Variants in NYAP2 observed in about 807,000 individuals in gnomAD.
NYAP2 encodes neuronal tyrosine-phosphorylated phosphoinositide-3-kinase adapter 2.
Under a neutral mutation model 50.4 loss-of-function variants are expected in NYAP2, and 23 were observed. That is an observed-to-expected ratio of 0.46 (90% confidence interval 0.33 to 0.65). The LOEUF is 0.65. Ranked by LOEUF, NYAP2 falls within the 30% of genes least tolerant of loss-of-function variation. The pLI, the probability that NYAP2 is intolerant of heterozygous loss-of-function variation, is 0.02. For missense variants in NYAP2, 885 were observed against 861.0 expected (o/e 1.03, Z -0.35); for synonymous variants, 394 against 365.2 (o/e 1.08, Z -0.90).
rs141889631 is a variant in NYAP2 at position 225,602,981 on chromosome 2, CA to C, written c.1618+19956del. On this transcript the variant is annotated intron_variant, in intron 5 of 6. Transcript: ENST00000636099. ...TTTAGAATGGATGTTTTTATTTCTG[CA>C]AAAAAAAAAGTTATTGGGATTGTTT... 2.3e-4 allele frequency among the ~76,000 whole-genome samples: 33 copies of C among 145,926 alleles called. No individual in the cohort carries two copies. In the Middle Eastern group the frequency reaches 0.011, roughly 47 times the overall value.
At chr2:225,593,118 A>G (rs181826280) in intron 5 of NYAP2, among the ~76,000 whole-genome samples, 1 of 152,322 alleles carries the variant, frequency 6.6e-6, no homozygotes, top group East Asian at 1.9e-4. Flanking sequence ...GTAATTAAAT[A>G]TTCAGTATAA....
At chr2:225,555,782 A>G (rs1691765754) in intron 4 of NYAP2, among the ~76,000 whole-genome samples, 1 of 152,194 alleles carries the variant, frequency 6.6e-6, no homozygotes, top group South Asian at 2.1e-4. Context: ...GGAGTCCTAC[A>G]ATTTCCAGAA....
intron 4 of NYAP2, among the ~76,000 whole-genome samples, chr2:225,549,812 C>T (rs1312457145): frequency 1.3e-5 from 2 of 151,736 alleles, no homozygotes; most frequent in Admixed American, 6.6e-5. Flanking sequence ...TGAAACCCCC[C>T]TGTTTGTACT....
At chr2:225,535,396 G>A (rs747470690) in intron 4 of NYAP2, among the ~76,000 whole-genome samples, 3 of 152,180 alleles carry the variant, frequency 2.0e-5, no homozygotes, top group African/African-American at 4.8e-5. Flanking sequence ...GTGGGATGAC[G>A]TATGTAGATA....
intron 4 of NYAP2, among the ~76,000 whole-genome samples, chr2:225,528,485 T>C (rs1691195250): frequency 6.6e-6 from 1 of 152,192 alleles, no homozygotes; most frequent in African/African-American, 2.4e-5. Context: ...AAATACACTC[T>C]TTAGTCCAGC....
chr2:225,453,849 T>G (rs892707394), intron 3 of NYAP2, among the ~76,000 whole-genome samples: 1 of 150,464 alleles, frequency 6.6e-6, no homozygotes, highest in Non-Finnish European at 1.5e-5. Context: ...TTTTTTTTTT[T>G]TTTTTTTAGT....
At chr2:225,436,091 G>GC (rs1490603374) in intron 3 of NYAP2, among the ~76,000 whole-genome samples, 1 of 152,152 alleles carries the variant, frequency 6.6e-6, no homozygotes. Context: ...ATCCAGTCTA[G>GC]CCCCTACACA....
intron 3 of NYAP2, among the ~76,000 whole-genome samples, chr2:225,418,018 A>G (rs909630111): frequency 6.6e-6 from 1 of 152,094 alleles, no homozygotes; most frequent in Admixed American, 6.6e-5. Flanking sequence ...AAAAAATACT[A>G]AACTAGAGAA....
At chr2:225,404,258 T>G (rs1427976721) in intron 2 of NYAP2, among the ~76,000 whole-genome samples, 1 of 151,974 alleles carries the variant, frequency 6.6e-6, no homozygotes, top group African/African-American at 2.4e-5. Context: ...AAGGGTCACA[T>G]AGTGTCTTAG....
chr2:225,564,973 T>C, intron 4 of NYAP2, among the ~76,000 whole-genome samples: 1 of 151,836 alleles, frequency 6.6e-6, no homozygotes, highest in Non-Finnish European at 1.5e-5. Flanking sequence ...CTACTAAAAA[T>C]ACAACAATTA....
At chr2:225,512,219 T>G (rs1420064802) in intron 3 of NYAP2, among the ~76,000 whole-genome samples, 3 of 152,214 alleles carry the variant, frequency 2.0e-5, no homozygotes, top group Non-Finnish European at 4.4e-5. Context: ...AATATTTTTG[T>G]TCAAACTTTC....
rs116765753 is a variant in NYAP2 at position 225,604,406 on chromosome 2, G to C, written c.1618+21371G>C. Among the ~76,000 whole-genome samples the C allele has an allele frequency of 5.5e-3, 837 of 152,146 alleles. 9 individuals are homozygous for C. Among genetic ancestry groups the C allele is most frequent in the African/African-American group, 0.018 (760 of 41,512 alleles). ...AGCTGGGGCTCAATAACTATTTGCT[G>C]GGCCTTAGAAATAATCATATTTAAC... On this transcript the variant is annotated intron_variant, in intron 5 of 6. Transcript: ENST00000636099.
At chr2:225,409,197 T>G (rs900494096) in intron 3 of NYAP2, 96 bp downstream of exon 3, 15 of 895,054 alleles carry the variant, frequency 1.7e-5, no homozygotes, top group Admixed American at 2.5e-5. Flanking sequence ...AGAAAAGGTC[T>G]TCCAGAGTCA....
the NYAP2 span, chr2:225,702,418 A>T: frequency 6.6e-6 from 1 of 151,758 alleles, no homozygotes; most frequent in Non-Finnish European, 1.5e-5. Context: ...TCCTTCAAGG[A>T]GCTTAATTAT....
intron 2 of NYAP2, among the ~76,000 whole-genome samples, chr2:225,403,264 G>C (rs1694891917): frequency 6.6e-6 from 1 of 151,964 alleles, no homozygotes; most frequent in South Asian, 2.1e-4. Context: ...TCACAGCATT[G>C]AGACAGGTGT....
chr2:225,442,941 A>G (rs1689493733), intron 3 of NYAP2, among the ~76,000 whole-genome samples: 1 of 152,192 alleles, frequency 6.6e-6, no homozygotes. Flanking sequence ...TCATAGCAGA[A>G]GGTGAAGGAG....
the NYAP2 span, among the ~76,000 whole-genome samples, chr2:225,690,901 G>T: frequency 5.9e-5 from 9 of 152,098 alleles, no homozygotes; most frequent in South Asian, 8.3e-4. Context: ...CCTTCTATCA[G>T]ACAATTCTAA....
intron 3 of NYAP2, among the ~76,000 whole-genome samples, chr2:225,456,135 C>T (rs1369605603): frequency 6.6e-6 from 1 of 152,194 alleles, no homozygotes; most frequent in Non-Finnish European, 1.5e-5. Context: ...ATTACATTTG[C>T]ATATGAGTCC....
At chr2:225,615,400 G>C (rs1458999762) in intron 5 of NYAP2, among the ~76,000 whole-genome samples, 1 of 152,096 alleles carries the variant, frequency 6.6e-6, no homozygotes. Context: ...AAATAATTTG[G>C]TGGCAATATC....
Sources: gnomAD v4.1 joint callset for allele counts (sites outside exome capture counted in the v4.1 genomes callset) on GRCh38, gnomAD v4.1.1 for gene constraint, MANE v1.5 for transcripts, NCBI Gene and HGNC (gene_info 2026-07-23, HGNC 2026-07-21) for gene names.